The following EPB41 variants were observed in gnomAD, a reference collection of about 807,000 sequenced individuals.
The protein encoded by EPB41 is protein 4.1.
EPB41 carries 65 observed loss-of-function variants against 108.0 expected under a neutral mutation model. The ratio of observed to expected loss-of-function variants is 0.60; its 90% CI spans 0.49 to 0.74. The LOEUF (loss-of-function observed/expected upper bound fraction) is 0.74. Among genes scored for constraint, EPB41 ranks in the 30% least tolerant of loss-of-function variants. The pLI is 0.00. For missense variants in EPB41, 875 were observed against 1,037.0 expected, an observed-to-expected ratio of 0.84 and a Z score of 2.15; for synonymous variants, 336 against 358.9, an observed-to-expected ratio of 0.94 and a Z score of 0.72.
chr1:28,959,176 A>G (rs553417163), intron 1 of EPB41, among the ~76,000 whole-genome samples: 37 of 146,794 alleles, frequency 2.5e-4, no homozygotes, highest in Non-Finnish European at 4.6e-4. Flanking sequence ...TTTGGATTTT[A>G]TACCGTAGCT....
intron 15 of EPB41, 98 bp from the exon 16 acceptor site, chr1:29,064,882 GTA>G: frequency 7.0e-7 from 1 of 1,423,748 alleles, no homozygotes; most frequent in Non-Finnish European, 9.8e-7. Context: ...CCTGGATGTG[GTA>G]TGTTTTCTAC....
intron 20 of EPB41, among the ~76,000 whole-genome samples, chr1:29,116,151 T>TC (rs11442328): frequency 4.0e-3 from 36 of 9,042 alleles, no homozygotes; most frequent in South Asian, 0.031. Flanking sequence ...CAGGTCTCTC[T>TC]TTTTTTTTTT....
chr1:28,979,318 C>T (rs1036613288), intron 1 of EPB41, among the ~76,000 whole-genome samples: 1 of 151,514 alleles, frequency 6.6e-6, no homozygotes, highest in Non-Finnish European at 1.5e-5. Flanking sequence ...TAGACCACAA[C>T]CACTCTCCAA....
At position 28,901,220 on chromosome 1, in the gene EPB41, C is replaced by T. The variant is rs535092409; in HGVS notation, c.-8+14010C>T. On this transcript the variant is annotated intron_variant, in intron 1 of 16. Transcript: ENST00000347529. ...CTGGGATTACAGGCGTGAGCCACTG[C>T]ACCCGGCTATTTATTTACTTTTTGA... Among the ~76,000 whole-genome samples the T allele has an allele frequency of 4.4e-3, 539 of 123,688 alleles. 40 individuals are homozygous for T. Among genetic ancestry groups the T allele is most frequent in the Middle Eastern group, 0.016 (4 of 252 alleles). The allele number at this position is 123,688 out of a possible 152,430, so 81.1% of individuals were successfully genotyped here.
At position 28,934,666 on chromosome 1, in the gene EPB41, T is replaced by TTGTGTGTGTGTGTGTGTG. The variant is rs1204147204; in HGVS notation, c.-8+19920_-8+19937dup. Among the ~76,000 whole-genome samples, 1,337 of 136,344 alleles carry TTGTGTGTGTGTGTGTGTG rather than the reference T, an allele frequency of 9.8e-3. 15 individuals are homozygous for TTGTGTGTGTGTGTGTGTG. The highest frequency in any genetic ancestry group is 0.011 in the Middle Eastern group (3 of 268). 89.4% of individuals were successfully genotyped at this position (136,344 alleles called of 152,430 possible). ...TGGTTGGCCTCTGGTTCTTTTGACA[T>TTGTGTGTGTGTGTGTGTG]TGTGTGTGTGTGTGTGTGTGTGTGT... On this transcript the variant is annotated intron_variant, in intron 1 of 20. Transcript: ENST00000343067.
intron 4 of EPB41, among the ~76,000 whole-genome samples, chr1:29,005,918 T>C (rs1389272937): frequency 6.6e-6 from 1 of 152,224 alleles, no homozygotes; most frequent in Admixed American, 6.5e-5. Flanking sequence ...AGGAATATAA[T>C]TCTTTTTAAT....
At chr1:28,985,315 G>GTA (rs996276227) in intron 1 of EPB41, among the ~76,000 whole-genome samples, 1 of 138,402 alleles carries the variant, frequency 7.2e-6, no homozygotes, top group Non-Finnish European at 1.7e-5. Flanking sequence ...TAGGCATTGG[G>GTA]TATACAATGA....
chr1:29,048,600 C>T (rs575793347), intron 11 of EPB41, among the ~76,000 whole-genome samples: 1 of 152,252 alleles, frequency 6.6e-6, no homozygotes, highest in South Asian at 2.1e-4. Context: ...TACAACTTAA[C>T]CTTAGAATGT....
chr1:28,979,821 C>G (rs1571849829), intron 1 of EPB41, among the ~76,000 whole-genome samples: 1 of 151,916 alleles, frequency 6.6e-6, no homozygotes, highest in East Asian at 1.9e-4. Context: ...AAGTGAAACA[C>G]CTTATAAATG....
rs140417920 is a variant in EPB41 at position 28,962,440 on chromosome 1, C to T, written c.-7-24991C>T. ...CTATATAATTCATATACCATAAATT[C>T]TACACTGTACACTAAAATGTGTAAC... On this transcript the variant is annotated intron_variant, in intron 1 of 20. Coordinates refer to ENST00000343067, the MANE Select transcript of EPB41 (RefSeq NM_001376013.1). 1.3e-3 allele frequency among the ~76,000 whole-genome samples: 193 copies of T among 152,262 alleles called. No individual in the cohort carries two copies. The Middle Eastern group carries it at 0.014, about 11-fold the overall frequency.
Position 29,060,259 on chromosome 1 carries a change from T to TG in EPB41, c.1945-163_1945-162insG, listed in dbSNP as rs373191543. On this transcript the variant is annotated intron_variant, in intron 14 of 20. Transcript: ENST00000343067. ...TCATCATTTTCTTGTGGTAATCATG[T>TG]TCTGTGTCCGTGTGACTCTCTGACC... Among the ~76,000 whole-genome samples, 381 of 152,334 alleles carry TG rather than the reference T, an allele frequency of 2.5e-3. 1 individual carries two copies. Among genetic ancestry groups the TG allele is most frequent in the African/African-American group, 8.8e-3 (366 of 41,564 alleles).
chr1:29,021,270 T>C (rs2096641280), intron 7 of EPB41, among the ~76,000 whole-genome samples: 1 of 152,186 alleles, frequency 6.6e-6, no homozygotes. Flanking sequence ...GTTATTTGCT[T>C]TTTTCACTCT....
chr1:29,096,696 G>A (rs148075431), intron 16 of EPB41: 45 of 661,098 alleles, frequency 6.8e-5, no homozygotes, highest in Non-Finnish European at 8.4e-5. Context: ...GGTATGGTGA[G>A]GGTAGTGGCC....
At chr1:28,973,480 C>T (rs2095537559) in intron 1 of EPB41, among the ~76,000 whole-genome samples, 1 of 152,170 alleles carries the variant, frequency 6.6e-6, no homozygotes, top group African/African-American at 2.4e-5. Context: ...GCCTCAAATT[C>T]CTGGGCTCAA....
chr1:28,946,466 T>A (rs895577960), intron 1 of EPB41, among the ~76,000 whole-genome samples: 4 of 152,214 alleles, frequency 2.6e-5, no homozygotes, highest in African/African-American at 4.8e-5. Context: ...GGATTGGAAC[T>A]GTGCAAAATG....
At chr1:28,977,000 G>A (rs2095621853) in intron 1 of EPB41, among the ~76,000 whole-genome samples, 1 of 151,988 alleles carries the variant, frequency 6.6e-6, no homozygotes, top group African/African-American at 2.4e-5. Context: ...TTATAAGTGT[G>A]CACCACCATG....
intron 16 of EPB41, among the ~76,000 whole-genome samples, chr1:29,066,776 C>T (rs539080088): frequency 3.3e-4 from 50 of 152,028 alleles, no homozygotes; most frequent in African/African-American, 1.1e-3. Flanking sequence ...TGGCTTCAAG[C>T]GATTCTCCTG....
chr1:28,917,337 G>A (rs982546870), intron 1 of EPB41, among the ~76,000 whole-genome samples: 3 of 151,974 alleles, frequency 2.0e-5, no homozygotes, highest in Non-Finnish European at 4.4e-5. Context: ...CTGGAGTGCA[G>A]TGGCATGATC....
At chr1:28,947,384 GCGACGGAGCGAGA>G (rs2094522529) in intron 1 of EPB41, among the ~76,000 whole-genome samples, 1 of 150,946 alleles carries the variant, frequency 6.6e-6, no homozygotes, top group Non-Finnish European at 1.5e-5. Context: ...CTCCCGTCTG[GCGACGGAGCGAGA>G]CTCCGTCTCA....
Sources: allele counts gnomAD v4.1 joint callset (sites outside exome capture counted in the v4.1 genomes callset), GRCh38; gene constraint gnomAD v4.1.1; transcripts MANE v1.5; gene names NCBI Gene and HGNC (gene_info 2026-07-23, HGNC 2026-07-21).